PVT1: variants seen among roughly 807,000 people sequenced by gnomAD.
PVT1 encodes Pvt1 oncogene.
intron 4 of PVT1, among the ~76,000 whole-genome samples, chr8:128,048,849 G>A (rs1264193333): frequency 6.6e-6 from 1 of 152,180 alleles, no homozygotes; most frequent in African/African-American, 2.4e-5. Flanking sequence ...GCCCCCTGTT[G>A]TTCTCAGGTG....
chr8:127,847,327 C>T (rs1041123973), intron 2 of PVT1, among the ~76,000 whole-genome samples: 12 of 152,238 alleles, frequency 7.9e-5, no homozygotes, highest in African/African-American at 1.7e-4. Flanking sequence ...GTTGTTGATG[C>T]GCTCTGTTGT....
chr8:127,826,135 T>C (rs530611821), intron 2 of PVT1, among the ~76,000 whole-genome samples: 5 of 151,626 alleles, frequency 3.3e-5, no homozygotes, highest in Admixed American at 6.6e-5. Context: ...GCTGGGATTA[T>C]AGGCATGAGC....
chr8:127,935,715 T>TA (rs1484687180), intron 3 of PVT1, among the ~76,000 whole-genome samples: 1 of 152,196 alleles, frequency 6.6e-6, no homozygotes, highest in Non-Finnish European at 1.5e-5. Flanking sequence ...TTCTTATCTG[T>TA]AAAATGGGAC....
intron 3 of PVT1, among the ~76,000 whole-genome samples, chr8:127,957,548 C>G (rs1240453869): frequency 8.1e-6 from 1 of 123,000 alleles, no homozygotes; most frequent in African/African-American, 3.2e-5. Context: ...AGCCTGGTGA[C>G]AGAGCGAGAC....
intron 3 of PVT1, among the ~76,000 whole-genome samples, chr8:127,935,111 C>T (rs987394372): frequency 6.6e-6 from 1 of 152,062 alleles, no homozygotes; most frequent in Non-Finnish European, 1.5e-5. Flanking sequence ...GGATTACAGG[C>T]ATGCACCACC....
intron 3 of PVT1, among the ~76,000 whole-genome samples, chr8:127,927,985 G>C (rs1160022253): frequency 6.6e-6 from 1 of 152,220 alleles, no homozygotes; most frequent in South Asian, 2.1e-4. Context: ...CCCTCTGGCT[G>C]CCTTGCCAAG....
intron 5 of PVT1, among the ~76,000 whole-genome samples, chr8:128,085,626 T>C (rs774592626): frequency 1.5e-4 from 23 of 152,204 alleles, no homozygotes; most frequent in Non-Finnish European, 1.0e-4. Context: ...ACAAACAATA[T>C]TTTCTCAAAC....
At chr8:127,825,882 A>G (rs1814782140) in intron 2 of PVT1, among the ~76,000 whole-genome samples, 1 of 151,248 alleles carries the variant, frequency 6.6e-6, no homozygotes, top group Non-Finnish European at 1.5e-5. Context: ...ATGGGGTCTT[A>G]CTCTGTTGCC....
rs188040409 is a variant in PVT1, at chr8:127,929,786, T to G, written n.782+38788T>G. Among the ~76,000 whole-genome samples the G allele has an allele frequency of 4.7e-4, 71 of 150,144 alleles. No homozygotes were observed. The East Asian group carries it at 0.013, about 27-fold the overall frequency. ...CCGTCTCAAAAAAAAAAAAGAAGTG[T>G]CAAGGTCATGAGTGTCAGGGAAAGA... On this transcript the variant is annotated intron_variant and non_coding_transcript_variant, in intron 3 of 10. Transcript: ENST00000651587.
intron 2 of PVT1, among the ~76,000 whole-genome samples, chr8:127,860,944 A>G (rs1347174435): frequency 1.3e-5 from 2 of 152,078 alleles, no homozygotes; most frequent in Non-Finnish European, 2.9e-5. Context: ...ATGGTGGCTT[A>G]TGACCCATGG....
chr8:128,011,983 C>T (rs562134091), intron 4 of PVT1, among the ~76,000 whole-genome samples: 10 of 152,274 alleles, frequency 6.6e-5, no homozygotes, highest in African/African-American at 1.9e-4. Context: ...CACTGTGATG[C>T]GACCCCATAA....
intron 2 of PVT1, among the ~76,000 whole-genome samples, chr8:127,798,224 A>G (rs780078038): frequency 1.3e-5 from 2 of 151,894 alleles, no homozygotes; most frequent in Non-Finnish European, 2.9e-5. Context: ...GAATTGCTTG[A>G]ACCCGGGAGG....
At position 128,005,565 on chromosome 8, in the gene PVT1, G is replaced by T. The variant is rs570750286; in HGVS notation, n.912+16274G>T. Among the ~76,000 whole-genome samples, 7 of 152,264 alleles carry T rather than the reference G, an allele frequency of 4.6e-5. No homozygotes were observed. The South Asian group carries it at 1.5e-3, about 32-fold the overall frequency. On this transcript the variant is annotated intron_variant and non_coding_transcript_variant, in intron 4 of 10. Coordinates refer to ENST00000651587, the Ensembl canonical transcript of PVT1. Reference sequence around the variant, plus strand: ...TCTGCTGACTGCAGTGTGTCCTGGAGCCCTGACTTAGTTAAACCTCAGAAC... The same window carrying T: ...TCTGCTGACTGCAGTGTGTCCTGGATCCCTGACTTAGTTAAACCTCAGAAC...
chr8:127,980,930 G>A (rs900912847), intron 3 of PVT1, among the ~76,000 whole-genome samples: 15 of 151,690 alleles, frequency 9.9e-5, no homozygotes, highest in African/African-American at 3.6e-4. Flanking sequence ...TTGAGTAGGT[G>A]GGATTACGGG....
At position 127,993,504 on chromosome 8, in the gene PVT1, C is replaced by T. The variant is rs539030173; in HGVS notation, n.912+4213C>T. Among the ~76,000 whole-genome samples the T allele has an allele frequency of 1.1e-3, 171 of 152,304 alleles. 3 individuals carry two copies. Among genetic ancestry groups the T allele is most frequent in the Admixed American group, 6.5e-4 (10 of 15,304 alleles). ...GAATAGTCAATTCTTATCCTCTCTC[C>T]GGGGGGATTTATTCTGTCTCCAGAA... On this transcript the variant is annotated intron_variant and non_coding_transcript_variant, in intron 4 of 10. Transcript: ENST00000651587.
chr8:128,035,201 C>T (rs1297201778), intron 4 of PVT1, among the ~76,000 whole-genome samples: 1 of 152,168 alleles, frequency 6.6e-6, no homozygotes, highest in Non-Finnish European at 1.5e-5. Flanking sequence ...TGCCTGGGTT[C>T]CCAGGAAATT....
intron 4 of PVT1, among the ~76,000 whole-genome samples, chr8:128,048,915 G>A (rs1813652265): frequency 1.3e-5 from 2 of 152,168 alleles, no homozygotes; most frequent in African/African-American, 4.8e-5. Flanking sequence ...TTATAATTTG[G>A]CTCTTACTCT....
At chr8:127,919,501 T>C (rs997841276) in intron 3 of PVT1, among the ~76,000 whole-genome samples, 4 of 152,186 alleles carry the variant, frequency 2.6e-5, no homozygotes, top group Non-Finnish European at 5.9e-5. Flanking sequence ...TGTTATATAT[T>C]TTTTCTCACT....
chr8:127,995,748 C>A (rs1310955617), intron 4 of PVT1, among the ~76,000 whole-genome samples: 1 of 152,142 alleles, frequency 6.6e-6, no homozygotes, highest in African/African-American at 2.4e-5. Context: ...GTGTTTCAAG[C>A]ACTTTACATT....
Sources: allele counts gnomAD v4.1 joint callset (sites outside exome capture counted in the v4.1 genomes callset), GRCh38; gene constraint gnomAD v4.1.1; transcripts MANE v1.5; gene names NCBI Gene and HGNC (gene_info 2026-07-23, HGNC 2026-07-21).